Variants in MAN2A1 observed in about 807,000 individuals in gnomAD.
MAN2A1 encodes mannosidase alpha class 2A member 1.
MAN2A1 carries 76 observed loss-of-function variants against 142.6 expected under a neutral mutation model. That is an observed-to-expected ratio of 0.53 (90% confidence interval 0.44 to 0.65). The LOEUF (loss-of-function observed/expected upper bound fraction) is 0.65, where lower values mean the gene tolerates loss of function less well. Among genes scored for constraint, MAN2A1 ranks in the 30% least tolerant of loss-of-function variants. The pLI is 0.00. For missense variants in MAN2A1, 1,311 were observed against 1,365.1 expected (o/e 0.96, Z 0.62); for synonymous variants, 559 against 473.2 (o/e 1.18, Z -2.35).
chr5:109,700,919 C>A (rs1750962488), intron 1 of MAN2A1, among the ~76,000 whole-genome samples: 1 of 152,120 alleles, frequency 6.6e-6, no homozygotes, highest in Non-Finnish European at 1.5e-5. Flanking sequence ...TTTGAAAGAA[C>A]TTTTTAGTTA....
chr5:109,759,952 TATATATATATATAGATAG>T (rs781487659), intron 5 of MAN2A1, among the ~76,000 whole-genome samples: 520 of 40,264 alleles, frequency 0.013, 2 homozygotes, highest in East Asian at 0.12. Flanking sequence ...TGTTGCTATA[TATATATATATATAGATAG>T]ATAGATAGAT....
chr5:109,857,945 C>G (rs932295868), intron 20 of MAN2A1, among the ~76,000 whole-genome samples: 4 of 152,164 alleles, frequency 2.6e-5, no homozygotes, highest in Non-Finnish European at 5.9e-5. Flanking sequence ...ATTGCTGTGT[C>G]AGGTCTTTTG....
At chr5:109,722,607 G>C (rs575977034) in intron 3 of MAN2A1, among the ~76,000 whole-genome samples, 1 of 151,920 alleles carries the variant, frequency 6.6e-6, no homozygotes, top group African/African-American at 2.4e-5. Context: ...GTAGAGATGG[G>C]GTTTCACCAT....
chr5:109,767,825 T>A, intron 6 of MAN2A1, 117 bp downstream of exon 6: 1 of 769,644 alleles, frequency 1.3e-6, no homozygotes, highest in Non-Finnish European at 2.1e-6. Context: ...TCAGGTGGCC[T>A]AAAGATAGTC....
intron 4 of MAN2A1, among the ~76,000 whole-genome samples, chr5:109,747,254 A>G (rs1328289954): frequency 6.6e-6 from 1 of 152,134 alleles, no homozygotes; most frequent in Non-Finnish European, 1.5e-5. Flanking sequence ...AGAGTAAAAC[A>G]TTTAAATATT....
At chr5:109,797,735 C>A (rs1175744229) in intron 12 of MAN2A1, among the ~76,000 whole-genome samples, 1 of 152,036 alleles carries the variant, frequency 6.6e-6, no homozygotes, top group African/African-American at 2.4e-5. Flanking sequence ...AAAAGAGCCA[C>A]CCCGAGTACA....
At chr5:109,779,085 G>A (rs1245733726) in intron 8 of MAN2A1, among the ~76,000 whole-genome samples, 1 of 151,926 alleles carries the variant, frequency 6.6e-6, no homozygotes, top group Non-Finnish European at 1.5e-5. Flanking sequence ...CTTTTTATGA[G>A]CTACCAAGAG....
At chr5:109,815,222 C>T (rs1754421544) in intron 12 of MAN2A1, among the ~76,000 whole-genome samples, 1 of 152,132 alleles carries the variant, frequency 6.6e-6, no homozygotes, top group Non-Finnish European at 1.5e-5. Context: ...GGGGAACAGT[C>T]AGGCGAAATG....
intron 1 of MAN2A1, among the ~76,000 whole-genome samples, chr5:109,697,228 T>G (rs2112539248): frequency 6.6e-6 from 1 of 152,388 alleles, no homozygotes; most frequent in South Asian, 2.1e-4. Context: ...TGTTTACTTT[T>G]CAGTGTATTG....
chr5:109,866,718 T>C, intron 21 of MAN2A1, 128 bp from the exon 22 acceptor site: 1 of 570,766 alleles, frequency 1.8e-6, no homozygotes, highest in East Asian at 3.0e-5. Context: ...ATCCACCCTT[T>C]TTTCCTCAAA....
chr5:109,802,899 T>A (rs1754068451), intron 12 of MAN2A1, among the ~76,000 whole-genome samples: 1 of 152,082 alleles, frequency 6.6e-6, no homozygotes, highest in African/African-American at 2.4e-5. Flanking sequence ...CTTTTTGCAT[T>A]TCTTGCATCA....
chr5:109,732,637 T>C (rs898303852), intron 4 of MAN2A1, among the ~76,000 whole-genome samples: 18 of 152,176 alleles, frequency 1.2e-4, no homozygotes, highest in African/African-American at 4.3e-4. Context: ...CCCCATTGCT[T>C]GTTTTTCTCA....
chr5:109,852,058 C>T (rs1294152620), intron 19 of MAN2A1, among the ~76,000 whole-genome samples: 2 of 149,936 alleles, frequency 1.3e-5, no homozygotes, highest in East Asian at 3.9e-4. Flanking sequence ...TTTCCAGTTT[C>T]TTGGGTAAAA....
At chr5:109,729,317 G>T in intron 3 of MAN2A1, 25 bp from the exon 4 acceptor site, 1 of 1,526,846 alleles carries the variant, frequency 6.5e-7, no homozygotes, top group Non-Finnish European at 8.9e-7. Flanking sequence ...TTAGACCTTT[G>T]TGGTATATTT....
chr5:109,739,142 C>T (rs78248311), intron 4 of MAN2A1, among the ~76,000 whole-genome samples: 69 of 152,138 alleles, frequency 4.5e-4, no homozygotes, highest in African/African-American at 1.2e-3. Flanking sequence ...GTGCTCAGTC[C>T]GTATAATGGG....
intron 4 of MAN2A1, among the ~76,000 whole-genome samples, chr5:109,735,197 C>G (rs985797522): frequency 2.0e-5 from 3 of 151,950 alleles, no homozygotes; most frequent in African/African-American, 7.3e-5. Context: ...ATTGCAACCC[C>G]TGCCTTTTTT....
chr5:109,757,155 A>G (rs1382206294), intron 5 of MAN2A1, among the ~76,000 whole-genome samples: 1 of 152,004 alleles, frequency 6.6e-6, no homozygotes, highest in African/African-American at 2.4e-5. Flanking sequence ...GAGTACGACA[A>G]TATGTTGAGA....
chr5:109,708,737 G>A (rs1184953732), intron 1 of MAN2A1, among the ~76,000 whole-genome samples: 1 of 152,160 alleles, frequency 6.6e-6, no homozygotes, highest in Non-Finnish European at 1.5e-5. Context: ...CAAGAGCCCA[G>A]GGACCACTGG....
chr5:109,744,865 C>T (rs184581221), intron 4 of MAN2A1, among the ~76,000 whole-genome samples: 240 of 152,208 alleles, frequency 1.6e-3, no homozygotes, highest in Non-Finnish European at 1.7e-3. Context: ...TTTAAATGTC[C>T]TTCAGCAGGT....
Sources: allele counts gnomAD v4.1 joint callset (sites outside exome capture counted in the v4.1 genomes callset), GRCh38; gene constraint gnomAD v4.1.1; transcripts MANE v1.5; gene names NCBI Gene and HGNC (gene_info 2026-07-23, HGNC 2026-07-21).